Variants in KAZN observed in about 807,000 individuals in gnomAD.
KAZN encodes kazrin, periplakin interacting protein.
A neutral mutation model predicts 87.4 loss-of-function variants in KAZN; 40 were observed. That is an observed-to-expected ratio of 0.46 (90% CI 0.36 to 0.60). KAZN has a LOEUF of 0.60. Ranked by LOEUF, KAZN falls within the 20% of genes least tolerant of loss-of-function variation. The pLI, the probability that KAZN is intolerant of heterozygous loss-of-function variation, is 0.00. For missense variants in KAZN, 898 were observed against 1,073.9 expected, an observed-to-expected ratio of 0.84 and a Z score of 2.29; for synonymous variants, 466 against 458.3, an observed-to-expected ratio of 1.02 and a Z score of -0.22.
At chr1:14,075,521 T>G (rs1185714782) in intron 1 of KAZN, among the ~76,000 whole-genome samples, 1 of 152,014 alleles carries the variant, frequency 6.6e-6, no homozygotes, top group African/African-American at 2.4e-5. Context: ...AGATAAGGGG[T>G]TGGCATGGAA....
intron 2 of KAZN, among the ~76,000 whole-genome samples, chr1:14,489,662 A>T (rs1669540980): frequency 6.6e-6 from 1 of 151,566 alleles, no homozygotes; most frequent in Admixed American, 6.6e-5. Context: ...TGAACCTGGG[A>T]GGCAGAGTTT....
chr1:14,819,622 C>CCTG (rs1368817828), intron 1 of KAZN, among the ~76,000 whole-genome samples: 2 of 151,998 alleles, frequency 1.3e-5, no homozygotes, highest in African/African-American at 4.8e-5. Context: ...GGCTCCAAAT[C>CCTG]CTGCCTGCAT....
At chr1:14,566,971 T>G (rs879371190) in intron 2 of KAZN, among the ~76,000 whole-genome samples, 8 of 152,250 alleles carry the variant, frequency 5.3e-5, no homozygotes, top group Non-Finnish European at 1.2e-4. Context: ...CATTCATGTG[T>G]CCACTGGAGT....
rs181870097 is a variant in KAZN at position 14,707,579 on chromosome 1, G to A, written c.226+108356G>A. 4.8e-4 allele frequency among the ~76,000 whole-genome samples: 73 copies of A among 152,194 alleles called. 1 individual carries two copies. Among genetic ancestry groups the A allele is most frequent in the Admixed American group, 4.1e-3 (63 of 15,284 alleles). On this transcript the variant is annotated intron_variant, in intron 1 of 14. Coordinates refer to ENST00000376030, the MANE Select transcript of KAZN (RefSeq NM_201628.3). ...CTTTCATTTCCCAACGTACTCTCCA[G>A]CTCACCCTGTAATGCTACAGAGGAG... is the stretch of plus-strand genomic sequence containing the variant.
intron 1 of KAZN, among the ~76,000 whole-genome samples, chr1:14,717,565 G>A (rs879009563): frequency 9.2e-5 from 14 of 152,060 alleles, no homozygotes; most frequent in South Asian, 2.1e-4. Context: ...AGAAGAACAC[G>A]CCCATTGGAT....
At chr1:14,790,167 A>G (rs1645632120) in intron 1 of KAZN, among the ~76,000 whole-genome samples, 1 of 151,486 alleles carries the variant, frequency 6.6e-6, no homozygotes, top group Non-Finnish European at 1.5e-5. Context: ...ATGTCCAGCT[A>G]ATTTTGTTTT....
intron 1 of KAZN, among the ~76,000 whole-genome samples, chr1:14,084,978 G>A (rs984172450): frequency 6.6e-6 from 1 of 152,154 alleles, no homozygotes; most frequent in African/African-American, 2.4e-5. Flanking sequence ...GTGTGTATGT[G>A]TGTAAATTGG....
At chr1:14,239,698 G>T (rs181135159) in intron 2 of KAZN, among the ~76,000 whole-genome samples, 29 of 152,026 alleles carry the variant, frequency 1.9e-4, no homozygotes, top group Non-Finnish European at 3.8e-4. Flanking sequence ...GACCTCAGGT[G>T]ATCCATGTGT....
chr1:14,768,640 T>C (rs1458506573), intron 1 of KAZN, among the ~76,000 whole-genome samples: 1 of 152,210 alleles, frequency 6.6e-6, no homozygotes, highest in African/African-American at 2.4e-5. Flanking sequence ...CATTTGCTAT[T>C]AGATCCTCAA....
At chr1:13,961,318 C>A (rs1641742802) in intron 1 of KAZN, among the ~76,000 whole-genome samples, 1 of 152,200 alleles carries the variant, frequency 6.6e-6, no homozygotes, top group African/African-American at 2.4e-5. Flanking sequence ...TACACACACA[C>A]ATGCACATGT....
At chr1:14,404,251 C>A (rs1247262935) in intron 2 of KAZN, among the ~76,000 whole-genome samples, 1 of 152,190 alleles carries the variant, frequency 6.6e-6, no homozygotes, top group Non-Finnish European at 1.5e-5. Flanking sequence ...GTCGAACATG[C>A]CTGAACCTCA....
At chr1:14,242,392 T>TATG (rs1393769580) in intron 2 of KAZN, among the ~76,000 whole-genome samples, 1 of 152,186 alleles carries the variant, frequency 6.6e-6, no homozygotes, top group African/African-American at 2.4e-5. Flanking sequence ...AAATGATGTC[T>TATG]ATGAGAATGA....
At chr1:14,896,687 C>T (rs1047039243) in intron 1 of KAZN, among the ~76,000 whole-genome samples, 1 of 152,138 alleles carries the variant, frequency 6.6e-6, no homozygotes, top group Non-Finnish European at 1.5e-5. Flanking sequence ...TTTTCTAGGG[C>T]CAAGAGAGGA....
intron 2 of KAZN, among the ~76,000 whole-genome samples, chr1:14,321,969 G>A (rs1405704154): frequency 1.3e-5 from 2 of 152,138 alleles, no homozygotes; most frequent in Non-Finnish European, 2.9e-5. Flanking sequence ...AACCCATCAA[G>A]AGCCAGTTTG....
chr1:14,796,984 A>T (rs1645847543), intron 1 of KAZN, among the ~76,000 whole-genome samples: 1 of 152,156 alleles, frequency 6.6e-6, no homozygotes, highest in African/African-American at 2.4e-5. Context: ...AGCTATGTTG[A>T]TGTATCATTT....
Position 15,008,501 on chromosome 1 carries a change from G to C in KAZN, c.419-26248G>C, listed in dbSNP as rs188325274. Among the ~76,000 whole-genome samples, 21 of 152,320 alleles carry C rather than the reference G, an allele frequency of 1.4e-4. No individual in the cohort carries two copies. The East Asian group carries it at 4.1e-3, about 29-fold the overall frequency. Reference sequence around the variant, plus strand: ...GAGTGAGACAGCTATGATGAGGACCGGGAATGCCCTGCCGGGTTTCCAGAG... The same window carrying C: ...GAGTGAGACAGCTATGATGAGGACCCGGAATGCCCTGCCGGGTTTCCAGAG... On this transcript the variant is annotated intron_variant, in intron 2 of 14. Transcript: ENST00000376030.
At chr1:14,983,663 C>T (rs897369184) in intron 2 of KAZN, among the ~76,000 whole-genome samples, 11 of 152,152 alleles carry the variant, frequency 7.2e-5, no homozygotes, top group African/African-American at 2.2e-4. Flanking sequence ...TAAGAGAGGC[C>T]GGGCGTGGTG....
At chr1:14,696,169 G>T (rs1322470991) in intron 1 of KAZN, among the ~76,000 whole-genome samples, 1 of 152,140 alleles carries the variant, frequency 6.6e-6, no homozygotes. Flanking sequence ...TATTCATCCT[G>T]AAAGTATTGG....
At position 14,629,189 on chromosome 1, in the gene KAZN, G is replaced by A. The variant is rs140949803; in HGVS notation, c.226+29966G>A. On this transcript the variant is annotated intron_variant, in intron 1 of 14. Transcript: ENST00000376030. ...GAGATCAATTCTCATACGGTGGCAGGGGGAGGATGGAGTGTCTTATGGATA... is the reference window on the plus strand; with the variant it reads ...GAGATCAATTCTCATACGGTGGCAGAGGGAGGATGGAGTGTCTTATGGATA... Among the ~76,000 whole-genome samples, 493 of 152,254 alleles carry A rather than the reference G, an allele frequency of 3.2e-3. 3 individuals are homozygous for A. The highest frequency in any genetic ancestry group is 0.012 in the African/African-American group (479 of 41,538).
Sources: gnomAD v4.1 joint callset for allele counts (sites outside exome capture counted in the v4.1 genomes callset) on GRCh38, gnomAD v4.1.1 for gene constraint, MANE v1.5 for transcripts, NCBI Gene and HGNC (gene_info 2026-07-23, HGNC 2026-07-21) for gene names.